The following IL1RL1 variants were observed in gnomAD, a reference collection of about 807,000 sequenced individuals.
IL1RL1 encodes the protein interleukin 1 receptor like 1, also known as interleukin-1 receptor-like 1.
A neutral mutation model predicts 50.9 loss-of-function variants in IL1RL1; 32 were observed. That is an observed-to-expected ratio of 0.63 (90% confidence interval 0.47 to 0.84). The LOEUF is 0.84. Among genes scored for constraint, IL1RL1 ranks in the 40% least tolerant of loss-of-function variants. IL1RL1 has a pLI of 0.00. For synonymous variants in IL1RL1, 275 were observed against 236.0 expected, an observed-to-expected ratio of 1.17 and a Z score of -1.51; for missense variants, 773 against 662.9, an observed-to-expected ratio of 1.17 and a Z score of -1.82.
At chr2:102,326,300 G>A (rs1197734154) in intron 1 of IL1RL1, among the ~76,000 whole-genome samples, 1 of 152,144 alleles carries the variant, frequency 6.6e-6, no homozygotes, top group Admixed American at 6.5e-5. Context: ...ACAAGCAAAT[G>A]CTGAGAGATT....
intron 1 of IL1RL1, among the ~76,000 whole-genome samples, chr2:102,311,970 TA>T (rs1676509345): frequency 5.8e-5 from 1 of 17,244 alleles, no homozygotes; most frequent in African/African-American, 3.1e-4. Flanking sequence ...TTATATATAA[TA>T]TTATATATAA....
intron 1 of IL1RL1, among the ~76,000 whole-genome samples, chr2:102,333,157 C>T (rs1677220138): frequency 6.6e-6 from 1 of 152,068 alleles, no homozygotes; most frequent in Admixed American, 6.6e-5. Flanking sequence ...GACCTAGGTT[C>T]TAACAGAATC....
At position 102,342,278 on chromosome 2, in the gene IL1RL1, A is replaced by G. The variant is rs1040500302; in HGVS notation, c.666A>G (p.Ile222Met). The G allele has an allele frequency of 1.9e-6, 3 of 1,610,108 alleles. No individual in the cohort carries two copies. The highest frequency in any genetic ancestry group is 1.6e-4 in the Middle Eastern group (1 of 6,072). ...PVIGAPAQNE[I>M]KEVEIGKNAN... ...TCGGAGCCCCTGCACAAAATGAAAT[A>G]AAGGAAGTGGAAATTGGTAAGAAAA... Residue 222 changes from isoleucine (I) to methionine (M), a missense_variant, in exon 6 of 11, where the codon ATA becomes ATG. Coordinates refer to ENST00000233954, the MANE Select transcript of IL1RL1 (RefSeq NM_016232.5).
At position 102,351,978 on chromosome 2, in the gene IL1RL1, C is replaced by T. The variant is rs1677950678; in HGVS notation, c.*57C>T. 3.3e-6 allele frequency: 5 copies of T among 1,506,912 alleles called. No individual in the cohort carries two copies. The highest frequency in any genetic ancestry group is 4.5e-6 in the Non-Finnish European group (5 of 1,112,128). 93.3% of individuals were successfully genotyped at this position (1,506,912 alleles called of 1,614,324 possible). Reference sequence around the variant, plus strand: ...TTGAAGCTTTCCTGACTTCTCCTAGCTGGCTTATGCCCCTGCACTGAAGTG... The same window carrying T: ...TTGAAGCTTTCCTGACTTCTCCTAGTTGGCTTATGCCCCTGCACTGAAGTG... On this transcript the variant is annotated 3_prime_UTR_variant, in exon 11 of 11. Transcript: ENST00000233954.
intron 1 of IL1RL1, among the ~76,000 whole-genome samples, chr2:102,328,166 T>C (rs1345482907): frequency 2.0e-5 from 3 of 152,202 alleles, no homozygotes; most frequent in African/African-American, 7.2e-5. Context: ...CATGATCAAG[T>C]GGGCTTCATC....
rs758180273 is a variant in IL1RL1 at position 102,338,237 on chromosome 2, C to G, written c.-28C>G. ...TGGAGTAATCTCAACAACGAGTTAC[C>G]AATACTTGCTCTTGATTGATAAACA... On this transcript the variant is annotated 5_prime_UTR_variant, in exon 2 of 11. Transcript: ENST00000233954. The G allele has an allele frequency of 2.6e-6, 4 of 1,536,226 alleles. No homozygotes were observed. In the South Asian group the frequency reaches 4.6e-5, roughly 17 times the overall value.
At chr2:102,339,652 A>G (rs1677465190) in intron 3 of IL1RL1, among the ~76,000 whole-genome samples, 1 of 152,220 alleles carries the variant, frequency 6.6e-6, no homozygotes, top group Non-Finnish European at 1.5e-5. Flanking sequence ...GTGCGATGCC[A>G]GCAAGTTACT....
In IL1RL1 at chr2:102,343,351, CT is replaced by C. The variant is rs1473044426; in HGVS notation, c.907del (p.Cys303ValfsTer4). On this transcript the variant is annotated frameshift_variant, in exon 8 of 11. Transcript: ENST00000233954. LOFTEE classifies it high-confidence loss of function. ...AAGAGGATTTATTGCTGCAGTACGA[CT>C]GTCTGGCCCTGAATTTGCATGGCTT... ...KEEDLLLQYD[C>X]LALNLHGLRR... 2 of 1,614,070 alleles carry C rather than the reference CT, an allele frequency of 1.2e-6. No homozygotes were observed. The highest frequency in any genetic ancestry group is 2.7e-5 in the African/African-American group (2 of 74,920).
At chr2:102,343,927 T>C in intron 8 of IL1RL1, 1 of 992,300 alleles carries the variant, frequency 1.0e-6, no homozygotes, top group Non-Finnish European at 1.2e-6. Context: ...TCCTAGGTGC[T>C]ACTTTATAAT....
chr2:102,340,906 G>C (rs921630959), intron 5 of IL1RL1, 78 bp downstream of exon 5: 1 of 1,174,630 alleles, frequency 8.5e-7, no homozygotes, highest in Non-Finnish European at 1.2e-6. Context: ...TTCTGGTTGG[G>C]TTTCTTGCAC....
chr2:102,350,412 A>C (rs1677894754), intron 10 of IL1RL1, among the ~76,000 whole-genome samples: 1 of 152,244 alleles, frequency 6.6e-6, no homozygotes, highest in African/African-American at 2.4e-5. Context: ...TCAATGTGTG[A>C]CAACATACTA....
intron 1 of IL1RL1, among the ~76,000 whole-genome samples, chr2:102,315,833 C>T (rs953934): frequency 0.5 from 76,335 of 152,048 alleles, 19,335 homozygotes; most frequent in Middle Eastern, 0.65. Context: ...TACATTAAGA[C>T]TTTTGAAACT....
intron 9 of IL1RL1, among the ~76,000 whole-genome samples, chr2:102,348,617 T>A (rs757018257): frequency 4.6e-5 from 7 of 152,226 alleles, no homozygotes; most frequent in African/African-American, 1.7e-4. Flanking sequence ...ACATGTTGCA[T>A]TTTTCAAACA....
At chr2:102,327,896 A>C (rs1033064107) in intron 1 of IL1RL1, among the ~76,000 whole-genome samples, 1 of 152,192 alleles carries the variant, frequency 6.6e-6, no homozygotes, top group Non-Finnish European at 1.5e-5. Flanking sequence ...CCAGGACCAG[A>C]TGGATTCACA....
rs370506022 is a variant in IL1RL1 at position 102,325,573 on chromosome 2, G to A, written c.-149-12543G>A. ...TACACCGAGCTAAAGGAGGAAGTTC[G>A]AACCCATGGCAAAGAAGTTAAAAAC... On this transcript the variant is annotated intron_variant, in intron 1 of 10. Transcript: ENST00000233954. Among the ~76,000 whole-genome samples the A allele has an allele frequency of 1.8e-4, 28 of 152,160 alleles. No individual in the cohort carries two copies. In the East Asian group the frequency reaches 4.1e-3, roughly 22 times the overall value.
Position 102,343,250 on chromosome 2 carries a change from G to C in IL1RL1, c.825-20G>C, listed in dbSNP as rs374124803. ...TGCACCTGCAAAGTAGGCATTAAAAGTAACAGGTTGCTTTCTTAGTTTCAG... is the reference window on the plus strand; with the variant it reads ...TGCACCTGCAAAGTAGGCATTAAAACTAACAGGTTGCTTTCTTAGTTTCAG... On this transcript the variant is annotated intron_variant, in intron 7 of 10. Coordinates refer to ENST00000233954, the MANE Select transcript of IL1RL1 (RefSeq NM_016232.5). The C allele has an allele frequency of 3.8e-5, 62 of 1,614,050 alleles. No homozygotes were observed. The African/African-American group carries it at 7.7e-4, about 20-fold the overall frequency.
intron 1 of IL1RL1, among the ~76,000 whole-genome samples, chr2:102,315,660 A>C (rs1676654738): frequency 6.6e-6 from 1 of 152,104 alleles, no homozygotes; most frequent in South Asian, 2.1e-4. Context: ...TTTCTTAAGT[A>C]GTGGTTTCTG....
At chr2:102,339,807 T>G (rs1301631449) in intron 3 of IL1RL1, among the ~76,000 whole-genome samples, 1 of 152,188 alleles carries the variant, frequency 6.6e-6, no homozygotes, top group South Asian at 2.1e-4. Flanking sequence ...TCTGAATAAA[T>G]AGTAATTATC....
intron 8 of IL1RL1, chr2:102,343,748 C>G: frequency 1.6e-6 from 2 of 1,219,012 alleles, no homozygotes; most frequent in Non-Finnish European, 2.1e-6. Context: ...CACCAACAAC[C>G]GTAAACTGAA....
Sources: gnomAD v4.1 joint callset for allele counts (sites outside exome capture counted in the v4.1 genomes callset) on GRCh38, gnomAD v4.1.1 for gene constraint, MANE v1.5 for transcripts, NCBI Gene and HGNC (gene_info 2026-07-23, HGNC 2026-07-21) for gene names.